Variants in ADAM23 observed in about 807,000 individuals in gnomAD.
The protein encoded by ADAM23 is ADAM metallopeptidase domain 23.
A neutral mutation model predicts 120.1 loss-of-function variants in ADAM23; 33 were observed. The observed-to-expected ratio is 0.27, with a 90% confidence interval of 0.21 to 0.37. The LOEUF is 0.37. ADAM23 is among the 10% of genes least tolerant of loss of function. The pLI, the probability that ADAM23 is intolerant of heterozygous loss-of-function variation, is 1.00. For synonymous variants in ADAM23, 367 were observed against 375.2 expected (o/e 0.98, Z 0.25); for missense variants, 862 against 1,058.2 (o/e 0.81, Z 2.57).
At chr2:206,587,132 G>T (rs1433459482) in intron 18 of ADAM23, among the ~76,000 whole-genome samples, 193 bp from the exon 19 acceptor site, 1 of 152,150 alleles carries the variant, frequency 6.6e-6, no homozygotes, top group Admixed American at 6.5e-5. Context: ...CATGCACTGT[G>T]TGGCCCTTAC....
At chr2:206,497,395 C>CA (rs757171950) in intron 3 of ADAM23, among the ~76,000 whole-genome samples, 24 of 152,206 alleles carry the variant, frequency 1.6e-4, no homozygotes, top group Non-Finnish European at 3.4e-4. Flanking sequence ...GAACCAAAGA[C>CA]AAAAACCACA....
intron 4 of ADAM23, among the ~76,000 whole-genome samples, chr2:206,534,813 T>C (rs1355835485): frequency 6.6e-6 from 1 of 152,156 alleles, no homozygotes; most frequent in Non-Finnish European, 1.5e-5. Context: ...ATTACTATCA[T>C]TATTAGGTGG....
At chr2:206,480,954 T>C (rs760194188) in intron 2 of ADAM23, among the ~76,000 whole-genome samples, 1 of 152,208 alleles carries the variant, frequency 6.6e-6, no homozygotes, top group Non-Finnish European at 1.5e-5. Context: ...ACGGTCACTT[T>C]GTAAGTCCAG....
At chr2:206,453,815 A>G (rs1695242843) in intron 2 of ADAM23, among the ~76,000 whole-genome samples, 1 of 152,246 alleles carries the variant, frequency 6.6e-6, no homozygotes. Flanking sequence ...AATTAGCACA[A>G]TGTTTCAAAT....
At chr2:206,506,469 C>T (rs989347354) in intron 3 of ADAM23, among the ~76,000 whole-genome samples, 4 of 152,204 alleles carry the variant, frequency 2.6e-5, no homozygotes, top group Admixed American at 6.5e-5. Context: ...GCTGATGTTT[C>T]GCTAGGCAGA....
At chr2:206,501,708 G>C (rs886675936) in intron 3 of ADAM23, among the ~76,000 whole-genome samples, 19 of 152,018 alleles carry the variant, frequency 1.2e-4, no homozygotes, top group Admixed American at 1.1e-3. Context: ...GGGATATTTT[G>C]AGTCTATAAG....
Position 206,571,408 on chromosome 2 carries a change from G to A in ADAM23, c.1567-319G>A, listed in dbSNP as rs368675643. The stretch of plus-strand genomic sequence containing the variant: ...GAGAATGGCATGAACCCGGGAGGCG[G>A]AGGTTGCAGTGAGCCAAGATAGTGC... On this transcript the variant is annotated intron_variant, in intron 16 of 25. Transcript: ENST00000264377. 1.7e-4 allele frequency among the ~76,000 whole-genome samples: 26 copies of A among 152,300 alleles called. 1 individual carries two copies. The highest frequency in any genetic ancestry group is 6.2e-4 in the South Asian group (3 of 4,824).
intron 1 of ADAM23, among the ~76,000 whole-genome samples, chr2:206,444,648 T>C (rs746771128): frequency 2.0e-5 from 3 of 152,218 alleles, no homozygotes; most frequent in African/African-American, 4.8e-5. Flanking sequence ...TAATACCATC[T>C]TCTATATATT....
At chr2:206,597,368 T>TG (rs1333818921) in intron 24 of ADAM23, among the ~76,000 whole-genome samples, 1 of 150,532 alleles carries the variant, frequency 6.6e-6, no homozygotes. Flanking sequence ...TTAGTGGAGA[T>TG]GGGGTTTCAT....
In ADAM23 at chr2:206,594,805, C is replaced by T. The variant is rs1310765387; in HGVS notation, c.2147C>T (p.Pro716Leu). 5 of 1,613,978 alleles carry T rather than the reference C, an allele frequency of 3.1e-6. No homozygotes were observed. Among genetic ancestry groups the T allele is most frequent in the Non-Finnish European group, 4.2e-6 (5 of 1,180,030 alleles). ...GTAGAAGATGGAACGCCATGTGGCCCGTCTATGATGTGTTTAGATCGGAAG... is the reference window on the plus strand; with the variant it reads ...GTAGAAGATGGAACGCCATGTGGCCTGTCTATGATGTGTTTAGATCGGAAG... ...GYVEDGTPCG[P>L]SMMCLDRKCL... Residue 716 changes from proline to leucine, a missense_variant, in exon 23 of 26, where the codon CCG becomes CTG. This residue lies in a region of ADAM23 where 617 missense variants were observed against 813.5 expected (regional missense o/e 0.76). Transcript: ENST00000264377.
At chr2:206,599,803 G>T (rs1008150930) in intron 24 of ADAM23, among the ~76,000 whole-genome samples, 4 of 152,178 alleles carry the variant, frequency 2.6e-5, no homozygotes, top group South Asian at 2.1e-4. Context: ...TTGTTTTGTT[G>T]CCTTGCCGAC....
At chr2:206,491,812 G>A (rs1242900534) in intron 3 of ADAM23, among the ~76,000 whole-genome samples, 1 of 152,136 alleles carries the variant, frequency 6.6e-6, no homozygotes, top group Non-Finnish European at 1.5e-5. Flanking sequence ...ATCCCTTGAC[G>A]CCTGATGTAG....
intron 18 of ADAM23, among the ~76,000 whole-genome samples, chr2:206,574,883 C>A (rs936351922): frequency 6.6e-6 from 1 of 152,088 alleles, no homozygotes; most frequent in African/African-American, 2.4e-5. Flanking sequence ...CATATTATGT[C>A]TTTATTTGTC....
rs1453973519 is a variant in ADAM23 at position 206,560,123 on chromosome 2, G to T, written c.1169+5G>T. ...TGATGCTGTGCACCTCATCTCGTAC[G>T]TACTCATTTCAGCCTTTAGTGTAGT... On this transcript the variant is annotated splice_donor_5th_base_variant and intron_variant, in intron 11 of 25. Coordinates refer to ENST00000264377, the MANE Select transcript of ADAM23 (RefSeq NM_003812.4). 1 of 1,611,286 alleles carries T rather than the reference G, an allele frequency of 6.2e-7. No individual in the cohort carries two copies. Among genetic ancestry groups the T allele is most frequent in the Non-Finnish European group, 8.5e-7 (1 of 1,178,424 alleles).
chr2:206,471,515 T>C (rs1695660367), intron 2 of ADAM23, among the ~76,000 whole-genome samples: 1 of 152,162 alleles, frequency 6.6e-6, no homozygotes, highest in African/African-American at 2.4e-5. Context: ...TCACATTATA[T>C]AAGCAAATTT....
intron 3 of ADAM23, among the ~76,000 whole-genome samples, chr2:206,511,947 C>A (rs191238658): frequency 5.9e-5 from 9 of 152,254 alleles, no homozygotes; most frequent in Admixed American, 2.6e-4. Context: ...TTACATATTT[C>A]CCTAGGTATG....
intron 3 of ADAM23, among the ~76,000 whole-genome samples, chr2:206,511,271 A>G (rs1390872701): frequency 6.6e-6 from 1 of 152,154 alleles, no homozygotes; most frequent in Admixed American, 6.6e-5. Flanking sequence ...CTTTGAGATC[A>G]GAGTATTTGA....
chr2:206,548,499 A>G (rs1307561747), intron 8 of ADAM23, 145 bp downstream of exon 8: 7 of 717,316 alleles, frequency 9.8e-6, no homozygotes, highest in African/African-American at 3.5e-5. Context: ...AAAAAACCCT[A>G]TGATTTGAGC....
intron 9 of ADAM23, among the ~76,000 whole-genome samples, chr2:206,552,622 T>C (rs921789669): frequency 2.6e-5 from 4 of 152,088 alleles, no homozygotes; most frequent in African/African-American, 4.8e-5. Flanking sequence ...TAAGGGTAAA[T>C]TTTAATAATT....
Sources: allele counts gnomAD v4.1 joint callset (sites outside exome capture counted in the v4.1 genomes callset), GRCh38; gene constraint gnomAD v4.1.1; regional missense constraint gnomAD v4.1.1; transcripts MANE v1.5; gene names NCBI Gene and HGNC (gene_info 2026-07-23, HGNC 2026-07-21).